ADGRL2: variants seen among roughly 807,000 people sequenced by gnomAD.
The protein encoded by ADGRL2 is adhesion G protein-coupled receptor L2.
Under a neutral mutation model 157.4 loss-of-function variants are expected in ADGRL2, and 44 were observed. That is an observed-to-expected ratio of 0.28 (90% CI 0.22 to 0.36). ADGRL2 has a LOEUF of 0.36. Among genes scored for constraint, ADGRL2 ranks in the 10% least tolerant of loss-of-function variants. The pLI is 1.00. For missense variants in ADGRL2, 1,510 were observed against 1,768.9 expected, an observed-to-expected ratio of 0.85 and a Z score of 2.63; for synonymous variants, 585 against 624.7, an observed-to-expected ratio of 0.94 and a Z score of 0.95.
intron 2 of ADGRL2, among the ~76,000 whole-genome samples, chr1:81,544,951 C>T (rs894645040): frequency 2.6e-5 from 4 of 152,142 alleles, no homozygotes; most frequent in Non-Finnish European, 5.9e-5. Context: ...TCTTTGGCCA[C>T]CTACTCACAT....
chr1:81,630,685 T>G (rs528825193), intron 3 of ADGRL2, among the ~76,000 whole-genome samples: 2 of 152,316 alleles, frequency 1.3e-5, no homozygotes, highest in African/African-American at 4.8e-5. Context: ...TGGGCTTGAT[T>G]AGCAGCCTAA....
intron 2 of ADGRL2, among the ~76,000 whole-genome samples, chr1:81,876,103 TA>T (rs1401298007): frequency 3.3e-5 from 5 of 152,198 alleles, no homozygotes; most frequent in African/African-American, 1.2e-4. Flanking sequence ...ATATTTGAGC[TA>T]ATTTTTAGAA....
At chr1:81,847,290 A>AT (rs1321862446) in intron 2 of ADGRL2, among the ~76,000 whole-genome samples, 1 of 151,912 alleles carries the variant, frequency 6.6e-6, no homozygotes, top group East Asian at 1.9e-4. Flanking sequence ...TAAAATGTAG[A>AT]TTCTTGCTTC....
chr1:81,480,868 A>G (rs10874249), intron 2 of ADGRL2, among the ~76,000 whole-genome samples: 118,666 of 152,080 alleles, frequency 0.78, 47,946 homozygotes, highest in Non-Finnish European at 0.89. Flanking sequence ...AAAATAATTT[A>G]AATATTACTT....
At position 81,747,121 on chromosome 1, in the gene ADGRL2, GTATATATGTATATATGTATACA is replaced by G. The variant is rs1557616213; in HGVS notation, c.-142-14683_-142-14662del. 8.8e-5 allele frequency among the ~76,000 whole-genome samples: 11 copies of G among 125,516 alleles called. No homozygotes were observed. In the South Asian group the frequency reaches 2.1e-3, roughly 24 times the overall value. The allele number at this position is 125,516 out of a possible 152,430, so 82.3% of individuals were successfully genotyped here. ...TATATACATATATGTGTATATATGT[GTATATATGTATATATGTATACA>G]TATATACGTATATATGTATGTGTGT... On this transcript the variant is annotated intron_variant, in intron 1 of 20. Transcript: ENST00000359929.
intron 11 of ADGRL2, among the ~76,000 whole-genome samples, chr1:81,957,279 T>A (rs1335096755): frequency 6.6e-6 from 1 of 152,052 alleles, no homozygotes; most frequent in Non-Finnish European, 1.5e-5. Flanking sequence ...CCCATCAGCC[T>A]TACATATATA....
intron 2 of ADGRL2, among the ~76,000 whole-genome samples, chr1:81,536,275 A>C (rs1179439145): frequency 1.3e-5 from 2 of 152,150 alleles, no homozygotes; most frequent in East Asian, 3.9e-4. Context: ...GTCTCTCTTC[A>C]CTTACTTTAA....
rs144479916 is a variant in ADGRL2 at position 81,924,054 on chromosome 1, C to T, written c.288-12674C>T. Among the ~76,000 whole-genome samples, 12 of 152,258 alleles carry T rather than the reference C, an allele frequency of 7.9e-5. 1 individual carries two copies. The highest frequency in any genetic ancestry group is 6.8e-3 in the Middle Eastern group (2 of 294). On this transcript the variant is annotated intron_variant, in intron 3 of 23. Coordinates refer to ENST00000686636, the MANE Select transcript of ADGRL2 (RefSeq NM_001366006.2). ...TGCTGCTCTAGGAAAAGACTACTTC[C>T]GATTCAGGTAGTCAGGGAATATAAT...
At chr1:81,704,544 G>A (rs1040037102) in intron 1 of ADGRL2, among the ~76,000 whole-genome samples, 1 of 152,130 alleles carries the variant, frequency 6.6e-6, no homozygotes, top group Admixed American at 6.5e-5. Flanking sequence ...CACAAAAATG[G>A]TCCCAGAATA....
chr1:81,747,281 G>T (rs2085327332), intron 1 of ADGRL2, among the ~76,000 whole-genome samples: 1 of 147,766 alleles, frequency 6.8e-6, no homozygotes, highest in Non-Finnish European at 1.5e-5. Context: ...ATATATACAT[G>T]TGCATACATG....
intron 2 of ADGRL2, among the ~76,000 whole-genome samples, chr1:81,893,313 C>T (rs2389209): frequency 0.03 from 3,450 of 114,296 alleles, 63 homozygotes; most frequent in Middle Eastern, 0.089. Context: ...ACTTATCAAT[C>T]CTGTCTTGTA....
At chr1:81,963,471 G>A (rs1177489001) in intron 11 of ADGRL2, among the ~76,000 whole-genome samples, 1 of 151,898 alleles carries the variant, frequency 6.6e-6, no homozygotes, top group African/African-American at 2.4e-5. Flanking sequence ...TAAATGGAAT[G>A]CTTCTAGAGT....
intron 2 of ADGRL2, among the ~76,000 whole-genome samples, chr1:81,885,167 T>C (rs926970515): frequency 6.6e-6 from 1 of 152,194 alleles, no homozygotes; most frequent in African/African-American, 2.4e-5. Flanking sequence ...GAAGGAAAAC[T>C]GTTTTTAGCT....
chr1:81,539,414 C>T (rs770460918), intron 2 of ADGRL2, among the ~76,000 whole-genome samples: 1 of 152,162 alleles, frequency 6.6e-6, no homozygotes, highest in Non-Finnish European at 1.5e-5. Context: ...TCTAACATAC[C>T]GCAGATAACA....
chr1:81,549,894 A>T (rs1001448169), intron 2 of ADGRL2, among the ~76,000 whole-genome samples: 4 of 151,904 alleles, frequency 2.6e-5, no homozygotes, highest in Admixed American at 2.6e-4. Flanking sequence ...CCAAGTAGAC[A>T]GTAATCACAG....
At chr1:81,683,727 C>T (rs1029829354) in intron 3 of ADGRL2, among the ~76,000 whole-genome samples, 21 of 151,794 alleles carry the variant, frequency 1.4e-4, no homozygotes, top group South Asian at 4.2e-4. Flanking sequence ...ATTCATTGAC[C>T]GATGGGCATT....
intron 1 of ADGRL2, among the ~76,000 whole-genome samples, chr1:81,400,290 G>A (rs1056195428): frequency 2.6e-5 from 4 of 152,030 alleles, no homozygotes; most frequent in African/African-American, 9.7e-5. Context: ...TTTGGGGCCC[G>A]TGTCAAGACT....
chr1:81,447,722 C>T (rs1182273044), intron 2 of ADGRL2, among the ~76,000 whole-genome samples: 1 of 152,178 alleles, frequency 6.6e-6, no homozygotes, highest in African/African-American at 2.4e-5. Flanking sequence ...TTAACATGCA[C>T]AAATTCACAT....
rs1001440336 is a variant in ADGRL2, at chr1:81,451,249, G to A, written c.-248+6160G>A. ...AATTAATTAGATATAAAATACTACC[G>A]TCCTTCTATGGAAATCCTCTTTCCT... On this transcript the variant is annotated intron_variant, in intron 2 of 24. Transcript: ENST00000370721. 3.9e-5 allele frequency among the ~76,000 whole-genome samples: 6 copies of A among 152,108 alleles called. No homozygotes were observed. The East Asian group carries it at 5.8e-4, about 15-fold the overall frequency.
Sources: allele counts gnomAD v4.1 joint callset (sites outside exome capture counted in the v4.1 genomes callset), GRCh38; gene constraint gnomAD v4.1.1; transcripts MANE v1.5; gene names NCBI Gene and HGNC (gene_info 2026-07-23, HGNC 2026-07-21).